The following SEM1 variants were observed in gnomAD, a reference collection of about 807,000 sequenced individuals.
The protein encoded by SEM1 is SEM1 26S proteasome subunit.
In SEM1, 3 loss-of-function variants were observed where a neutral mutation model predicts 12.7. The ratio of observed to expected loss-of-function variants is 0.24; its 90% CI spans 0.11 to 0.61. The LOEUF is 0.61. Among genes scored for constraint, SEM1 ranks in the 20% least tolerant of loss-of-function variants. The pLI is 0.88. For synonymous variants in SEM1, 30 were observed against 27.8 expected (o/e 1.08, Z -0.25); for missense variants, 59 against 81.3 (o/e 0.73, Z 1.06).
intron 2 of SEM1, among the ~76,000 whole-genome samples, chr7:96,577,936 A>G (rs1201397939): frequency 1.3e-5 from 2 of 152,102 alleles, no homozygotes; most frequent in Non-Finnish European, 2.9e-5. Flanking sequence ...CAGGATATAA[A>G]ATAGGTATGT....
chr7:96,588,230 C>G (rs1563073991), intron 2 of SEM1, among the ~76,000 whole-genome samples: 1 of 151,616 alleles, frequency 6.6e-6, no homozygotes, highest in Non-Finnish European at 1.5e-5. Flanking sequence ...GTGGTGCATG[C>G]CTGTAGTCTC....
rs201034601 is a variant in SEM1 at position 96,506,395 on chromosome 7, C to T, written c.*60+228G>A. Among the ~76,000 whole-genome samples, 3 of 152,010 alleles carry T rather than the reference C, an allele frequency of 2.0e-5. No individual in the cohort carries two copies. The East Asian group carries it at 5.8e-4, about 29-fold the overall frequency. On this transcript the variant is annotated intron_variant and NMD_transcript_variant, in intron 3 of 3. Transcript: ENST00000466986. ...GTACTGTTTAAATGATAAGACACAC[C>T]TATCTTTTCTGTGATGTAATTAAAA...
At chr7:96,643,834 T>G (rs1031447146) in intron 2 of SEM1, among the ~76,000 whole-genome samples, 14 of 152,216 alleles carry the variant, frequency 9.2e-5, no homozygotes, top group African/African-American at 3.4e-4. Context: ...AGGGATAGCA[T>G]TAAATTTAGT....
intron 2 of SEM1, among the ~76,000 whole-genome samples, chr7:96,548,853 C>G (rs1805180825): frequency 6.6e-6 from 1 of 152,146 alleles, no homozygotes; most frequent in African/African-American, 2.4e-5. Flanking sequence ...AAAATATGTG[C>G]TCAGCAACAG....
exon 3 of SEM1, chr7:96,506,657 A>G (rs1266556830): frequency 6.6e-6 from 1 of 152,022 alleles, no homozygotes; most frequent in Admixed American, 6.6e-5. Flanking sequence ...CTGCATCTTC[A>G]ACAATTCCAC....
Position 96,486,323 on chromosome 7 carries a change from G to C in SEM1, c.107C>G (p.Pro36Arg), listed in dbSNP as rs1254706386. ...CCAGGGTCCTCTGGCCCGCTGAGCT[G>C]GGCTTCTTATGCTGGGTCTCCTCCC... Residue 36 changes from proline (P) to arginine (R), a missense_variant, in exon 2 of 4, where the codon CCA (proline) becomes CGA (arginine). Transcript: ENST00000356686. 7 of 1,536,940 alleles carry C rather than the reference G, an allele frequency of 4.6e-6. No homozygotes were observed. The Admixed American group carries it at 1.2e-4, about 26-fold the overall frequency.
chr7:96,588,720 T>C (rs1806736385), intron 2 of SEM1, among the ~76,000 whole-genome samples: 1 of 152,080 alleles, frequency 6.6e-6, no homozygotes, highest in South Asian at 2.1e-4. Context: ...GAGCCGTGAT[T>C]ACACCACTGC....
chr7:96,685,504 T>C (rs1201195678), downstream of SEM1, among the ~76,000 whole-genome samples: 1 of 152,102 alleles, frequency 6.6e-6, no homozygotes, highest in Admixed American at 6.6e-5. Context: ...TTAAGTGCTG[T>C]TGAAAGAGAA....
At chr7:96,531,767 AGTTAATATGGCAAG>A (rs1804650956) in intron 2 of SEM1, among the ~76,000 whole-genome samples, 1 of 152,126 alleles carries the variant, frequency 6.6e-6, no homozygotes, top group African/African-American at 2.4e-5. Context: ...TATTACTGGT[AGTTAATATGGCAAG>A]AATCTAGACA....
intron 1 of SEM1, chr7:96,696,482 T>A (rs1246058049): frequency 6.6e-6 from 1 of 151,944 alleles, no homozygotes; most frequent in Non-Finnish European, 1.5e-5. Context: ...GAAGCACTAA[T>A]GTCTACGTAA....
At chr7:96,597,327 A>G (rs1807031975) in intron 2 of SEM1, among the ~76,000 whole-genome samples, 1 of 152,176 alleles carries the variant, frequency 6.6e-6, no homozygotes, top group African/African-American at 2.4e-5. Flanking sequence ...CCTTAGATAA[A>G]GAGATTTATA....
At chr7:96,702,852 T>G (rs1410703162) in intron 1 of SEM1, among the ~76,000 whole-genome samples, 1 of 152,198 alleles carries the variant, frequency 6.6e-6, no homozygotes, top group African/African-American at 2.4e-5. Context: ...AGGACTACAA[T>G]GTAGAACTTC....
At chr7:96,568,284 A>G (rs532702634) in intron 2 of SEM1, among the ~76,000 whole-genome samples, 3 of 151,926 alleles carry the variant, frequency 2.0e-5, no homozygotes, top group African/African-American at 4.8e-5. Context: ...ATAAGCAAAG[A>G]CACATTTTAA....
At position 96,569,805 on chromosome 7, in the gene SEM1, C is replaced by A. The variant is rs1488162886; in HGVS notation, c.171-63107G>T. Among the ~76,000 whole-genome samples, 4 of 151,994 alleles carry A rather than the reference C, an allele frequency of 2.6e-5. No individual in the cohort carries two copies. In the East Asian group the frequency reaches 7.7e-4, roughly 29 times the overall value. On this transcript the variant is annotated intron_variant and NMD_transcript_variant, in intron 2 of 3. Coordinates refer to the SEM1 transcript ENST00000466986. ...AGAACATGAGGTTTTGACTTTGTTT[C>A]TGAGTTCTTTCACTTAAGATAATGG...
chr7:96,603,153 T>C (rs1377363039), intron 2 of SEM1, among the ~76,000 whole-genome samples: 1 of 152,204 alleles, frequency 6.6e-6, no homozygotes, highest in Non-Finnish European at 1.5e-5. Context: ...TAAAGCAATA[T>C]GCTGGGCTGC....
chr7:96,499,446 G>A (rs1290696315), upstream of SEM1, among the ~76,000 whole-genome samples: 1 of 152,182 alleles, frequency 6.6e-6, no homozygotes, highest in African/African-American at 2.4e-5. Context: ...GTAGCCCTGT[G>A]CCGGGTGGCA....
At chr7:96,620,614 A>G (rs1161000184), downstream of SEM1, among the ~76,000 whole-genome samples, 1 of 152,184 alleles carries the variant, frequency 6.6e-6, no homozygotes, top group Non-Finnish European at 1.5e-5. Context: ...CCTGGCTCTC[A>G]GCCCCCTGCC....
intron 2 of SEM1, among the ~76,000 whole-genome samples, chr7:96,599,004 C>T (rs1807098293): frequency 6.7e-6 from 1 of 149,924 alleles, no homozygotes; most frequent in East Asian, 2.0e-4. Flanking sequence ...GCTGTGCCAA[C>T]AGAAAGGGGG....
intron 2 of SEM1, among the ~76,000 whole-genome samples, chr7:96,609,821 A>C (rs77727720): frequency 8.5e-5 from 13 of 152,290 alleles, no homozygotes; most frequent in Middle Eastern, 3.4e-3. Context: ...AGGAGAATGG[A>C]TTTTAATTGG....
Sources: gnomAD v4.1 joint callset for allele counts (sites outside exome capture counted in the v4.1 genomes callset) on GRCh38, gnomAD v4.1.1 for gene constraint, MANE v1.5 for transcripts, NCBI Gene and HGNC (gene_info 2026-07-23, HGNC 2026-07-21) for gene names.